The following PCDHA9 variants were observed in gnomAD, a reference collection of about 807,000 sequenced individuals.
PCDHA9 encodes the protein protocadherin alpha 9.
PCDHA9 carries 62 observed loss-of-function variants against 62.0 expected under a neutral mutation model. That is an observed-to-expected ratio of 1.00 (90% confidence interval 0.81 to 1.23). PCDHA9 has a LOEUF of 1.23. Ranked by LOEUF, PCDHA9 falls within the 50% of genes most tolerant of loss-of-function variation. The probability of loss-of-function intolerance (pLI) is 0.00; values close to 1 mark genes in which losing one functional copy is unlikely to be tolerated. For synonymous variants in PCDHA9, 557 were observed against 567.6 expected, an observed-to-expected ratio of 0.98 and a Z score of 0.27; for missense variants, 1,205 against 1,249.8, an observed-to-expected ratio of 0.96 and a Z score of 0.54.
In PCDHA9 at chr5:140,935,562, C is replaced by T. The variant is rs180759633; in HGVS notation, c.2395-43387C>T. Among the ~76,000 whole-genome samples, 423 of 152,262 alleles carry T rather than the reference C, an allele frequency of 2.8e-3. 2 individuals carry two copies. The highest frequency in any genetic ancestry group is 0.014 in the Middle Eastern group (4 of 294). On this transcript the variant is annotated intron_variant, in intron 1 of 3. Transcript: ENST00000532602. Reference sequence around the variant, plus strand: ...TGTTTTAAAGTATCTTGGAAAAGTTCCTCTCTGTGTAGTTAAGCCACCAGC... The same window carrying T: ...TGTTTTAAAGTATCTTGGAAAAGTTTCTCTCTGTGTAGTTAAGCCACCAGC...
chr5:140,880,063 G>A (rs750549371), intron 1 of PCDHA9, among the ~76,000 whole-genome samples: 2 of 151,982 alleles, frequency 1.3e-5, no homozygotes, highest in Non-Finnish European at 2.9e-5. Flanking sequence ...AACTTTTTGG[G>A]GACCACAATT....
chr5:140,938,560 C>T (rs2092118397), intron 1 of PCDHA9, among the ~76,000 whole-genome samples: 1 of 143,272 alleles, frequency 7.0e-6, no homozygotes, highest in Non-Finnish European at 1.5e-5. Flanking sequence ...TTATTAATAG[C>T]ATGCATTATA....
chr5:140,884,535 C>T (rs142468733), intron 1 of PCDHA9: 2 of 1,613,918 alleles, frequency 1.2e-6, no homozygotes, highest in African/African-American at 1.3e-5. Flanking sequence ...CAGAGGCGGC[C>T]GAGGGTGTGC....
chr5:140,868,360 T>C (rs1403678889), intron 1 of PCDHA9: 1 of 152,130 alleles, frequency 6.6e-6, no homozygotes, highest in African/African-American at 2.4e-5. Context: ...AGCAATTAAA[T>C]GTAAATAACA....
At chr5:140,925,955 G>T (rs1350124934) in intron 1 of PCDHA9, among the ~76,000 whole-genome samples, 1 of 152,076 alleles carries the variant, frequency 6.6e-6, no homozygotes. Context: ...AGGAGAAACT[G>T]CTATCACGCA....
intron 1 of PCDHA9, chr5:140,969,591 T>C: frequency 2.4e-6 from 2 of 829,486 alleles, no homozygotes; most frequent in South Asian, 2.0e-5. Context: ...TTAGTCTTAA[T>C]ATTTAATGCT....
chr5:140,994,217 T>G (rs781792763), intron 3 of PCDHA9, among the ~76,000 whole-genome samples: 2 of 152,110 alleles, frequency 1.3e-5, no homozygotes, highest in Non-Finnish European at 2.9e-5. Flanking sequence ...GGACCCAGGG[T>G]CTGTCTATGT....
intron 1 of PCDHA9, among the ~76,000 whole-genome samples, chr5:140,920,594 C>G (rs1347372573): frequency 1.3e-5 from 2 of 152,176 alleles, no homozygotes; most frequent in Admixed American, 1.3e-4. Flanking sequence ...GCCTGTAATC[C>G]CAGCACTTTG....
intron 1 of PCDHA9, among the ~76,000 whole-genome samples, chr5:140,889,879 T>G (rs2062416989): frequency 6.6e-6 from 1 of 152,162 alleles, no homozygotes; most frequent in South Asian, 2.1e-4. Flanking sequence ...CCTGCCACCA[T>G]GTAAGAATTC....
rs79304807 is a variant in PCDHA9 at position 140,914,832 on chromosome 5, A to G, written c.2394+63943A>G. ...ACTTAACAGACTGCATAAACAAAAA[A>G]CAAACACACAAAAGGAAGACTAATA... On this transcript the variant is annotated intron_variant, in intron 1 of 3. Transcript: ENST00000532602. 8.0e-3 allele frequency among the ~76,000 whole-genome samples: 1,220 copies of G among 152,292 alleles called. 6 individuals carry two copies. Among genetic ancestry groups the G allele is most frequent in the African/African-American group, 0.019 (787 of 41,574 alleles).
chr5:140,972,978 A>G (rs1392208477), intron 1 of PCDHA9, among the ~76,000 whole-genome samples: 1 of 152,058 alleles, frequency 6.6e-6, no homozygotes, highest in African/African-American at 2.4e-5. Flanking sequence ...ACCAAATCTT[A>G]AGGTAGATTC....
chr5:140,878,727 C>A (rs1329578817), intron 1 of PCDHA9, among the ~76,000 whole-genome samples: 2 of 152,186 alleles, frequency 1.3e-5, no homozygotes, highest in Non-Finnish European at 2.9e-5. Context: ...AAATTTCCAG[C>A]CTTATATCTA....
At chr5:140,884,385 C>A (rs1554181508) in intron 1 of PCDHA9, 1 of 1,613,992 alleles carries the variant, frequency 6.2e-7, no homozygotes, top group Non-Finnish European at 8.5e-7. Context: ...GCCATCTGCG[C>A]GGTGTCCAGC....
chr5:140,885,287 G>T (rs1224083539), intron 1 of PCDHA9, among the ~76,000 whole-genome samples: 1 of 152,050 alleles, frequency 6.6e-6, no homozygotes, highest in African/African-American at 2.4e-5. Context: ...TACATATATA[G>T]AGAGAGACCT....
chr5:140,966,826 GC>G, intron 1 of PCDHA9: 1 of 1,560,690 alleles, frequency 6.4e-7, no homozygotes, highest in Non-Finnish European at 8.6e-7. Flanking sequence ...GGCGGCCCAT[GC>G]CCTGGCTGCT....
intron 1 of PCDHA9, among the ~76,000 whole-genome samples, chr5:140,975,697 AT>A (rs1375810410): frequency 1.3e-5 from 2 of 152,182 alleles, no homozygotes; most frequent in African/African-American, 4.8e-5. Flanking sequence ...TTTTAAACTT[AT>A]TTTACTTTAA....
intron 1 of PCDHA9, chr5:140,870,744 C>T (rs1432638683): frequency 6.2e-7 from 1 of 1,613,474 alleles, no homozygotes; most frequent in Non-Finnish European, 8.5e-7. Context: ...TGAGCAGCAA[C>T]GTGACGCTGC....
chr5:140,986,947 C>T (rs983987541), intron 3 of PCDHA9, among the ~76,000 whole-genome samples: 1 of 152,160 alleles, frequency 6.6e-6, no homozygotes, highest in African/African-American at 2.4e-5. Context: ...GGTGTGGTCG[C>T]TCATGCCTGT....
At chr5:140,914,059 G>A (rs2076582448) in intron 1 of PCDHA9, among the ~76,000 whole-genome samples, 1 of 152,202 alleles carries the variant, frequency 6.6e-6, no homozygotes, top group African/African-American at 2.4e-5. Flanking sequence ...GCTGTTGGAT[G>A]AAATGCTCCA....
Sources: gnomAD v4.1 joint callset for allele counts (sites outside exome capture counted in the v4.1 genomes callset) on GRCh38, gnomAD v4.1.1 for gene constraint, MANE v1.5 for transcripts, NCBI Gene and HGNC (gene_info 2026-07-23, HGNC 2026-07-21) for gene names.